Variants in RHOA observed in about 807,000 individuals in gnomAD.
RHOA encodes the protein ras homolog family member A.
In RHOA, 3 loss-of-function variants were observed where a neutral mutation model predicts 17.5. The ratio of observed to expected loss-of-function variants is 0.17; its 90% CI spans 0.08 to 0.44. The LOEUF is 0.44. Ranked by LOEUF, RHOA falls within the 20% of genes least tolerant of loss-of-function variation. RHOA has a pLI of 0.99. For missense variants in RHOA, 56 were observed against 242.3 expected (o/e 0.23, Z 5.10); for synonymous variants, 98 against 88.4 (o/e 1.11, Z -0.61).
chr3:49,393,151 A>G (rs1049243928), intron 1 of RHOA, among the ~76,000 whole-genome samples: 5 of 152,158 alleles, frequency 3.3e-5, no homozygotes, highest in African/African-American at 1.2e-4. Flanking sequence ...AGCCTCGGCA[A>G]CAGAGCAAGA....
At position 49,360,503 on chromosome 3, in the gene RHOA, G is replaced by A. The variant is rs192724166; in HGVS notation, c.409-121C>T. 1.7e-5 allele frequency: 18 copies of A among 1,072,682 alleles called. No homozygotes were observed. In the Admixed American group the frequency reaches 3.3e-4, roughly 20 times the overall value. The allele number at this position is 1,072,682 out of a possible 1,614,324, so 66.4% of individuals were successfully genotyped here. Reference sequence around the variant, plus strand: ...TTTTTTTGAGACAGTTTTGCTCGTCGGTCGCCCAGGCTGGAGGGCAATGGC... The same window carrying A: ...TTTTTTTGAGACAGTTTTGCTCGTCAGTCGCCCAGGCTGGAGGGCAATGGC... On this transcript the variant is annotated intron_variant, in intron 4 of 4. Transcript: ENST00000418115.
intron 1 of RHOA, 53 bp from the exon 2 acceptor site, chr3:49,375,644 C>CT (rs946785310): frequency 6.4e-7 from 1 of 1,570,692 alleles, no homozygotes; most frequent in African/African-American, 1.4e-5. Flanking sequence ...TCATAGGTAG[C>CT]TTACAGGATG....
chr3:49,367,362 A>AAAAAAAAAAAAAC (rs2048075433), intron 3 of RHOA, among the ~76,000 whole-genome samples: 1 of 140,704 alleles, frequency 7.1e-6, no homozygotes, highest in Admixed American at 7.2e-5. Context: ...AAAAAAAAAA[A>AAAAAAAAAAAAAC]AAAAGAATAC....
chr3:49,364,472 C>T (rs547711773), intron 3 of RHOA, among the ~76,000 whole-genome samples: 3 of 151,186 alleles, frequency 2.0e-5, no homozygotes, highest in Middle Eastern at 3.4e-3. Context: ...GCAACAAGAG[C>T]GAAACTCCGT....
At chr3:49,380,006 C>T (rs1021426623) in intron 1 of RHOA, among the ~76,000 whole-genome samples, 5 of 152,178 alleles carry the variant, frequency 3.3e-5, no homozygotes, top group African/African-American at 1.2e-4. Context: ...GACCATACTT[C>T]GATTTTTAGC....
chr3:49,362,068 T>C (rs1306532693), intron 4 of RHOA, among the ~76,000 whole-genome samples: 2 of 150,636 alleles, frequency 1.3e-5, no homozygotes, highest in Non-Finnish European at 2.9e-5. Flanking sequence ...GTGCCTGTAG[T>C]CCCAGCTACT....
chr3:49,410,644 C>A (rs1300064656), intron 1 of RHOA, among the ~76,000 whole-genome samples: 1 of 152,172 alleles, frequency 6.6e-6, no homozygotes, highest in Non-Finnish European at 1.5e-5. Flanking sequence ...CCAATCTAGC[C>A]ACATCTAAGG....
intron 1 of RHOA, among the ~76,000 whole-genome samples, chr3:49,389,391 G>A (rs897653494): frequency 6.6e-6 from 1 of 152,078 alleles, no homozygotes; most frequent in Non-Finnish European, 1.5e-5. Flanking sequence ...CAAGAAGAAT[G>A]TGTGAGCTTA....
chr3:49,372,123 T>C (rs1471358184), intron 2 of RHOA, among the ~76,000 whole-genome samples: 3 of 152,184 alleles, frequency 2.0e-5, no homozygotes, highest in Admixed American at 1.3e-4. Flanking sequence ...CAATCTAAGT[T>C]AGGTAAGAGG....
At chr3:49,410,124 T>C (rs777488329) in intron 1 of RHOA, among the ~76,000 whole-genome samples, 51 of 152,292 alleles carry the variant, frequency 3.3e-4, no homozygotes, top group Non-Finnish European at 6.5e-4. Context: ...CTATTCACCA[T>C]CAACAAGGTT....
chr3:49,402,491 T>C (rs62259947), intron 1 of RHOA, among the ~76,000 whole-genome samples: 29,994 of 151,990 alleles, frequency 0.2, 3,368 homozygotes, highest in Middle Eastern at 0.28. Flanking sequence ...CTGGACAACA[T>C]GGCAAAACGT....
At chr3:49,396,716 G>A (rs996646115) in intron 1 of RHOA, among the ~76,000 whole-genome samples, 5 of 151,934 alleles carry the variant, frequency 3.3e-5, no homozygotes, top group Non-Finnish European at 5.9e-5. Context: ...CACAAAAAAA[G>A]TCAGGCCGGG....
intron 1 of RHOA, among the ~76,000 whole-genome samples, chr3:49,395,346 G>A (rs903529426): frequency 6.6e-6 from 1 of 152,120 alleles, no homozygotes; most frequent in Admixed American, 6.6e-5. Context: ...GTCATGCAGA[G>A]CAATCTGCAT....
At chr3:49,383,256 TA>T (rs2107863884) in intron 1 of RHOA, among the ~76,000 whole-genome samples, 1 of 151,234 alleles carries the variant, frequency 6.6e-6, no homozygotes, top group South Asian at 2.1e-4. Flanking sequence ...ACATTTCTAC[TA>T]AAAATACAAA....
intron 1 of RHOA, among the ~76,000 whole-genome samples, chr3:49,407,410 T>C (rs2048852591): frequency 6.6e-6 from 1 of 151,950 alleles, no homozygotes; most frequent in South Asian, 2.1e-4. Context: ...ATGTTTTGTA[T>C]TTTTAGTAGA....
At chr3:49,381,865 C>CAA (rs111761769) in intron 1 of RHOA, among the ~76,000 whole-genome samples, 38 of 138,246 alleles carry the variant, frequency 2.7e-4, no homozygotes, top group Middle Eastern at 7.2e-3. Context: ...AAATTCGTCT[C>CAA]AAAAAAAAAA....
intron 1 of RHOA, among the ~76,000 whole-genome samples, chr3:49,402,085 TG>T (rs746398581): frequency 2.6e-5 from 4 of 152,170 alleles, no homozygotes; most frequent in Non-Finnish European, 5.9e-5. Context: ...TCAAGTTCTT[TG>T]GGGAAAGACA....
At chr3:49,382,428 A>G (rs1383481161) in intron 1 of RHOA, among the ~76,000 whole-genome samples, 4 of 152,056 alleles carry the variant, frequency 2.6e-5, no homozygotes, top group Non-Finnish European at 5.9e-5. Context: ...TGAGCCTAAG[A>G]GTTGGAGACC....
chr3:49,405,307 G>A (rs1171200686), intron 1 of RHOA, among the ~76,000 whole-genome samples: 5 of 149,594 alleles, frequency 3.3e-5, no homozygotes, highest in Non-Finnish European at 7.4e-5. Context: ...TGACATGCCT[G>A]TAAACCCCAA....
Sources: allele counts gnomAD v4.1 joint callset (sites outside exome capture counted in the v4.1 genomes callset), GRCh38; gene constraint gnomAD v4.1.1; transcripts MANE v1.5; gene names NCBI Gene and HGNC (gene_info 2026-07-23, HGNC 2026-07-21).